Variants in LARP4B observed in about 807,000 individuals in gnomAD.
LARP4B encodes the protein La ribonucleoprotein 4B.
LARP4B carries 12 observed loss-of-function variants against 89.8 expected under a neutral mutation model. That is an observed-to-expected ratio of 0.13 (90% CI 0.09 to 0.22). The LOEUF is 0.22. Among genes scored for constraint, LARP4B ranks in the 10% least tolerant of loss-of-function variants. LARP4B has a pLI of 1.00. For missense variants in LARP4B, 757 were observed against 947.7 expected (o/e 0.80, Z 2.64); for synonymous variants, 367 against 363.3 (o/e 1.01, Z -0.12).
At chr10:924,303 C>G (rs970733042) in intron 1 of LARP4B, 1 of 152,184 alleles carries the variant, frequency 6.6e-6, no homozygotes, top group Admixed American at 6.5e-5. Context: ...TTTAAGGAAG[C>G]TGGCTGGTCT....
chr10:826,323 C>G (rs1460114905), intron 11 of LARP4B, among the ~76,000 whole-genome samples: 1 of 152,224 alleles, frequency 6.6e-6, no homozygotes, highest in Non-Finnish European at 1.5e-5. Flanking sequence ...CCAACCACAG[C>G]CTGACAGGGC....
rs567745626 is a variant in LARP4B at position 910,901 on chromosome 10, G to A, written c.-40+20527C>T. Reference sequence around the variant, plus strand: ...GATGGGTGTGAGGGTCTGGTCCCCCGTACCCTGCTTGAGCACTCCCGTCCC... The same window carrying A: ...GATGGGTGTGAGGGTCTGGTCCCCCATACCCTGCTTGAGCACTCCCGTCCC... On this transcript the variant is annotated intron_variant, in intron 1 of 17. Coordinates refer to ENST00000316157, the MANE Select transcript of LARP4B (RefSeq NM_015155.3). Among the ~76,000 whole-genome samples, 50 of 152,274 alleles carry A rather than the reference G, an allele frequency of 3.3e-4. 1 individual carries two copies. In the South Asian group the frequency reaches 7.9e-3, roughly 24 times the overall value.
chr10:949,156 G>A, the LARP4B span, among the ~76,000 whole-genome samples: 4 of 149,962 alleles, frequency 2.7e-5, no homozygotes, highest in South Asian at 4.2e-4. Flanking sequence ...TTTCCCAGGC[G>A]GCTCTACCAT....
At chr10:942,286 G>A in the LARP4B span, 5 of 152,160 alleles carry the variant, frequency 3.3e-5, no homozygotes, top group African/African-American at 9.7e-5. Flanking sequence ...GTAGGGAACC[G>A]GAAGATGAGG....
In LARP4B at chr10:815,108, G is replaced by A. The variant is rs138672374; in HGVS notation, c.1696-38C>T. The A allele has an allele frequency of 2.6e-4, 396 of 1,517,610 alleles. No homozygotes were observed. The African/African-American group carries it at 4.2e-3, about 16-fold the overall frequency. The allele number at this position is 1,517,610 out of a possible 1,614,324, so 94.0% of individuals were successfully genotyped here. On this transcript the variant is annotated intron_variant, in intron 15 of 17. Coordinates refer to ENST00000316157, the MANE Select transcript of LARP4B (RefSeq NM_015155.3). ...CAAGAGTGTTCATCAGAGTCCTGCC[G>A]GCACTAAGCGGAGCTGGTACCAGTG...
rs375779341 is a variant in LARP4B, at chr10:885,644, A to G, written c.78T>C (p.His26=). The G allele has an allele frequency of 6.2e-7, 1 of 1,613,104 alleles. No homozygotes were observed. The highest frequency in any genetic ancestry group is 2.2e-5 in the East Asian group (1 of 44,868). The stretch of plus-strand genomic sequence containing the variant: ...CACCCCATTCGACAGCACCCACCAG[A>G]TGAGCGCTGTCCTTGCCCTCCTGGA... ...QRVQEGKDSA[H]LMNGPISQTT... Residue 26 remains histidine (H), a synonymous_variant, in exon 2 of 18, where the codon CAT becomes CAC. Coordinates refer to ENST00000316157, the MANE Select transcript of LARP4B (RefSeq NM_015155.3).
intron 3 of LARP4B, among the ~76,000 whole-genome samples, chr10:866,719 A>G (rs1834912969): frequency 6.6e-6 from 1 of 152,150 alleles, no homozygotes; most frequent in Non-Finnish European, 1.5e-5. Flanking sequence ...CAGCTCATGC[A>G]CATACTACAC....
chr10:818,374 G>T (rs1185213105), intron 14 of LARP4B: 1 of 152,360 alleles, frequency 6.6e-6, no homozygotes, highest in Non-Finnish European at 1.5e-5. Context: ...CACAACCTGT[G>T]TAAGAAATTT....
the LARP4B span, among the ~76,000 whole-genome samples, chr10:973,963 A>T: frequency 6.6e-6 from 1 of 152,236 alleles, no homozygotes; most frequent in South Asian, 2.1e-4. Context: ...GGTGGGAATA[A>T]CCTTAGGAAG....
chr10:917,225 C>T (rs1156980738), intron 1 of LARP4B, among the ~76,000 whole-genome samples: 1 of 151,998 alleles, frequency 6.6e-6, no homozygotes. Flanking sequence ...TTTGTTTTCC[C>T]AAGTCGAGGA....
At chr10:945,490 T>C in the LARP4B span, among the ~76,000 whole-genome samples, 1 of 151,304 alleles carries the variant, frequency 6.6e-6, no homozygotes, top group Non-Finnish European at 1.5e-5. Context: ...ATCGAGACCA[T>C]CCTGGCTAAT....
Position 814,409 on chromosome 10 carries a change from G to A in LARP4B, c.1929+333C>T, listed in dbSNP as rs1831909426. 3 of 383,496 alleles carry A rather than the reference G, an allele frequency of 7.8e-6. No individual in the cohort carries two copies. The highest frequency in any genetic ancestry group is 6.9e-5 in the East Asian group (1 of 14,442). The allele number at this position is 383,496 out of a possible 1,614,324, so 23.8% of individuals were successfully genotyped here. On this transcript the variant is annotated intron_variant, in intron 17 of 17. Transcript: ENST00000316157. This position sits in a 1 kb window ranked among gnomAD's most constrained non-coding sequence, Gnocchi z 4.4. ...AGACACACGATGCGCGCGCACGCAC[G>A]CAAACATACACACACGCGCGAAATG...
intron 15 of LARP4B, among the ~76,000 whole-genome samples, chr10:816,119 C>T (rs932464636): frequency 1.3e-5 from 2 of 152,216 alleles, no homozygotes; most frequent in African/African-American, 4.8e-5. Flanking sequence ...GTCCCAGCTA[C>T]TCGGTAGGCC....
rs758343290 is a variant in LARP4B at position 814,905 on chromosome 10, G to A, written c.1820+41C>T. On this transcript the variant is annotated intron_variant, in intron 16 of 17. Coordinates refer to ENST00000316157, the MANE Select transcript of LARP4B (RefSeq NM_015155.3). The surrounding 1 kb of genome is among the most constrained non-coding windows in gnomAD (Gnocchi z 4.4). Reference sequence around the variant, plus strand: ...TCATGCAACATCACAGGCCATTCAAGTCAGTCAACACCAAGGCGCTGGAAG... The same window carrying A: ...TCATGCAACATCACAGGCCATTCAAATCAGTCAACACCAAGGCGCTGGAAG... The A allele has an allele frequency of 6.3e-7, 1 of 1,578,130 alleles. No homozygotes were observed. Among genetic ancestry groups the A allele is most frequent in the Admixed American group, 1.7e-5 (1 of 57,898 alleles).
chr10:939,392 G>A, the LARP4B span, among the ~76,000 whole-genome samples: 7 of 152,234 alleles, frequency 4.6e-5, no homozygotes, highest in Non-Finnish European at 8.8e-5. Flanking sequence ...AAACTCTGCT[G>A]TGATGTATTT....
chr10:872,129 A>G (rs977374583), intron 3 of LARP4B, among the ~76,000 whole-genome samples: 2 of 152,202 alleles, frequency 1.3e-5, no homozygotes, highest in African/African-American at 4.8e-5. Flanking sequence ...AATACCATGT[A>G]GTGCACTACT....
the LARP4B span, among the ~76,000 whole-genome samples, chr10:962,219 C>G: frequency 6.6e-6 from 1 of 151,020 alleles, no homozygotes; most frequent in African/African-American, 2.4e-5. Context: ...TCACTTGAAC[C>G]CAGGAGGCAG....
chr10:942,955 T>TC, the LARP4B span, among the ~76,000 whole-genome samples: 1 of 151,166 alleles, frequency 6.6e-6, no homozygotes, highest in East Asian at 1.9e-4. Context: ...CTTTTTTTTT[T>TC]TTTTTTTTTG....
chr10:891,189 A>C (rs372433119), intron 1 of LARP4B, among the ~76,000 whole-genome samples: 41 of 152,202 alleles, frequency 2.7e-4, no homozygotes, highest in East Asian at 2.5e-3. Context: ...TCATGACCCT[A>C]AATCTTATTA....
Sources: gnomAD v4.1 joint callset for allele counts (sites outside exome capture counted in the v4.1 genomes callset) on GRCh38, gnomAD v4.1.1 for gene constraint, Gnocchi (gnomAD v3.1) non-coding constraint, MANE v1.5 for transcripts, NCBI Gene and HGNC (gene_info 2026-07-23, HGNC 2026-07-21) for gene names.